Variants in PGBD2 observed in about 807,000 individuals in gnomAD.
The protein encoded by PGBD2 is piggyBac transposable element derived 2.
In PGBD2, 6 loss-of-function variants were observed where a neutral mutation model predicts 8.1. The ratio of observed to expected loss-of-function variants is 0.74; its 90% CI spans 0.40 to 1.46. The LOEUF (loss-of-function observed/expected upper bound fraction) is 1.46, where lower values mean the gene tolerates loss of function less well. Ranked by LOEUF, PGBD2 falls within the 40% of genes most tolerant of loss-of-function variation. The probability of loss-of-function intolerance (pLI) is 0.02; values close to 1 mark genes in which losing one functional copy is unlikely to be tolerated. For synonymous variants in PGBD2, 318 were observed against 272.2 expected (o/e 1.17, Z -1.66); for missense variants, 802 against 739.0 (o/e 1.09, Z -0.99).
the PGBD2 span, among the ~76,000 whole-genome samples, chr1:248,893,435 C>T: frequency 0.012 from 1,791 of 152,248 alleles, 38 homozygotes; most frequent in African/African-American, 0.04. Context: ...ATATGTTTGA[C>T]TATTTTAAAT....
Position 248,918,546 on chromosome 1 carries a change from T to G in PGBD2, c.*183T>G. On this transcript the variant is annotated 3_prime_UTR_variant, in exon 3 of 3. Transcript: ENST00000329291. ...TGTGTTGTGTTATGCCTACATGTGA[T>G]ATAAATTAATATTTATATTCATTTA... 2.7e-6 allele frequency: 1 copy of G among 370,702 alleles called. No homozygotes were observed. The highest frequency in any genetic ancestry group is 4.4e-5 in the East Asian group (1 of 22,660). The allele number at this position is 370,702 out of a possible 1,614,324, so 23.0% of individuals were successfully genotyped here.
At chr1:248,894,783 T>C in the PGBD2 span, among the ~76,000 whole-genome samples, 2 of 149,248 alleles carry the variant, frequency 1.3e-5, no homozygotes, top group Non-Finnish European at 3.0e-5. Flanking sequence ...TTCCTTCCTT[T>C]TCTCTCTCTC....
chr1:248,896,239 G>A, the PGBD2 span, among the ~76,000 whole-genome samples: 9 of 151,972 alleles, frequency 5.9e-5, no homozygotes, highest in East Asian at 1.9e-4. Flanking sequence ...TTCTCAGGCC[G>A]TTGACTCAAA....
chr1:248,917,008 G>A lies in PGBD2; in HGVS notation c.424G>A (p.Val142Met), dbSNP rs367674534. 21 of 1,613,624 alleles carry A rather than the reference G, an allele frequency of 1.3e-5. No homozygotes were observed. Among genetic ancestry groups the A allele is most frequent in the Middle Eastern group, 1.6e-4 (1 of 6,084 alleles). The change falls in exon 3 of 3, where the codon GTG becomes ATG. Residue 142 changes from valine to methionine, a missense_variant. Coordinates refer to ENST00000329291, the MANE Select transcript of PGBD2 (RefSeq NM_170725.3). ...EDLKSQELSPVGLFELFFDEG... is the reference protein window; with the variant it reads ...EDLKSQELSPMGLFELFFDEG... The stretch of plus-strand genomic sequence containing the variant: ...TCTGAAAAGCCAAGAGCTGAGTCCC[G>A]TGGGCCTTTTTGAGTTGTTTTTTGA...
chr1:248,879,289 G>T, the PGBD2 span, among the ~76,000 whole-genome samples: 1 of 152,154 alleles, frequency 6.6e-6, no homozygotes, highest in Admixed American at 6.5e-5. Flanking sequence ...CATGAGTTGT[G>T]CGGATTTCTG....
chr1:248,903,401 C>T (rs2103097914), upstream of PGBD2, among the ~76,000 whole-genome samples: 1 of 152,238 alleles, frequency 6.6e-6, no homozygotes, highest in East Asian at 1.9e-4. Flanking sequence ...GTTGCCCAGG[C>T]TGGTCTTGAA....
chr1:248,912,541 T>C (rs1661933157), intron 1 of PGBD2: 1 of 152,200 alleles, frequency 6.6e-6, no homozygotes, highest in East Asian at 1.9e-4. Context: ...ACTTAAGTGC[T>C]CACTTGCTAA....
intron 1 of PGBD2, among the ~76,000 whole-genome samples, chr1:248,911,742 G>C (rs945897703): frequency 6.6e-6 from 1 of 150,454 alleles, no homozygotes; most frequent in Non-Finnish European, 1.5e-5. Flanking sequence ...CTGGCCGGGC[G>C]GGGGGCTGAC....
At chr1:248,896,458 T>C in the PGBD2 span, among the ~76,000 whole-genome samples, 1 of 152,150 alleles carries the variant, frequency 6.6e-6, no homozygotes, top group Non-Finnish European at 1.5e-5. Context: ...ATTCTTTTTC[T>C]TTTAGAGATG....
chr1:248,926,517 C>G, the PGBD2 span, among the ~76,000 whole-genome samples: 14 of 152,260 alleles, frequency 9.2e-5, no homozygotes, highest in African/African-American at 2.9e-4. Context: ...CTGTTGTTGA[C>G]TTTGAAAGCT....
At position 248,914,671 on chromosome 1, in the gene PGBD2, C is replaced by T; in HGVS notation, c.17+792C>T. 3 of 1,130,908 alleles carry T rather than the reference C, an allele frequency of 2.7e-6. No homozygotes were observed. The South Asian group carries it at 3.9e-5, about 15-fold the overall frequency. The allele number at this position is 1,130,908 out of a possible 1,614,324, so 70.1% of individuals were successfully genotyped here. A position where few individuals can be genotyped will look rare whatever the true frequency, so the allele number is the denominator to read the frequency against. On this transcript the variant is annotated intron_variant, in intron 2 of 2. Coordinates refer to ENST00000329291, the MANE Select transcript of PGBD2 (RefSeq NM_170725.3). The stretch of plus-strand genomic sequence containing the variant: ...GGGCACAGGGAAGCTGCAGGGACCT[C>T]TGTGCCTACCCTCCATGCTGAGTCC...
downstream of PGBD2, among the ~76,000 whole-genome samples, chr1:248,920,630 A>C (rs983743836): frequency 8.5e-5 from 13 of 152,176 alleles, no homozygotes; most frequent in Non-Finnish European, 1.8e-4. Context: ...TTGTAGTAGA[A>C]TGATTTATAA....
upstream of PGBD2, among the ~76,000 whole-genome samples, chr1:248,905,708 C>T (rs2103099311): frequency 6.6e-6 from 1 of 152,336 alleles, no homozygotes; most frequent in African/African-American, 2.4e-5. Context: ...ATGCACAGGA[C>T]AGCCTCCTTC....
the PGBD2 span, among the ~76,000 whole-genome samples, chr1:248,874,258 T>G: frequency 6.6e-6 from 1 of 152,208 alleles, no homozygotes; most frequent in Non-Finnish European, 1.5e-5. Context: ...TCCCTGGTGG[T>G]CTAGTGGTTA....
the PGBD2 span, among the ~76,000 whole-genome samples, chr1:248,900,874 A>T: frequency 6.6e-6 from 1 of 152,250 alleles, no homozygotes; most frequent in East Asian, 1.9e-4. Flanking sequence ...TGTTAAGCTC[A>T]TAAGGAACTT....
the PGBD2 span, among the ~76,000 whole-genome samples, chr1:248,929,440 G>A: frequency 6.6e-6 from 1 of 152,184 alleles, no homozygotes; most frequent in African/African-American, 2.4e-5. Context: ...TTGCTGTGAT[G>A]AGGCTGGCAC....
the PGBD2 span, among the ~76,000 whole-genome samples, chr1:248,898,828 C>T: frequency 1.3e-5 from 2 of 152,118 alleles, no homozygotes; most frequent in Non-Finnish European, 2.9e-5. Context: ...TGGATAGAGT[C>T]AAGACCCATC....
chr1:248,893,003 C>A, the PGBD2 span, among the ~76,000 whole-genome samples: 1 of 152,208 alleles, frequency 6.6e-6, no homozygotes, highest in Non-Finnish European at 1.5e-5. Flanking sequence ...GAAAAGACAA[C>A]TGGAAGTCTG....
the PGBD2 span, among the ~76,000 whole-genome samples, chr1:248,895,184 A>C: frequency 6.6e-6 from 1 of 152,282 alleles, no homozygotes; most frequent in East Asian, 1.9e-4. Context: ...AACCAACAAC[A>C]GGCCAATGTT....
Sources: gnomAD v4.1 joint callset for allele counts (sites outside exome capture counted in the v4.1 genomes callset) on GRCh38, gnomAD v4.1.1 for gene constraint, MANE v1.5 for transcripts, NCBI Gene and HGNC (gene_info 2026-07-23, HGNC 2026-07-21) for gene names.